The following MYO9B variants were observed in gnomAD, a reference collection of about 807,000 sequenced individuals.
MYO9B encodes myosin IXB, also known as unconventional myosin-IXb.
In MYO9B, 71 loss-of-function variants were observed where a neutral mutation model predicts 229.5. That is an observed-to-expected ratio of 0.31 (90% CI 0.26 to 0.38). The LOEUF is 0.38. MYO9B is among the 10% of genes least tolerant of loss of function. The probability of loss-of-function intolerance (pLI) is 1.00; values close to 1 mark genes in which losing one functional copy is unlikely to be tolerated. For synonymous variants in MYO9B, 1,185 were observed against 1,235.8 expected, an observed-to-expected ratio of 0.96 and a Z score of 0.86; for missense variants, 2,255 against 2,920.5, an observed-to-expected ratio of 0.77 and a Z score of 5.25.
At chr19:17,159,203 A>G (rs983511541) in intron 7 of MYO9B, among the ~76,000 whole-genome samples, 192 bp from the exon 8 acceptor site, 25 of 150,126 alleles carry the variant, frequency 1.7e-4, no homozygotes, top group South Asian at 8.6e-4. Context: ...CAAACAAACA[A>G]ACAAACAAAA....
intron 2 of MYO9B, among the ~76,000 whole-genome samples, chr19:17,139,463 G>A (rs979748036): frequency 5.3e-5 from 8 of 151,628 alleles, no homozygotes; most frequent in African/African-American, 1.7e-4. Flanking sequence ...TAGATAGATA[G>A]GCTGGTTACT....
chr19:17,151,853 G>A (rs950625592), intron 3 of MYO9B, among the ~76,000 whole-genome samples: 1 of 152,176 alleles, frequency 6.6e-6, no homozygotes, highest in Non-Finnish European at 1.5e-5. Context: ...AGCCATTATC[G>A]TGCTACTGCA....
intron 1 of MYO9B, among the ~76,000 whole-genome samples, chr19:17,088,955 G>A (rs1005579766): frequency 6.6e-6 from 1 of 152,154 alleles, no homozygotes. Flanking sequence ...TAGGATTACA[G>A]GAATAAGCCA....
Position 17,209,889 on chromosome 19 carries a change from G to A in MYO9B, c.5748+180G>A, listed in dbSNP as rs144921462. ...GGGACCGGGTAGTGGGTGTGGTCTC[G>A]GGTAGCAGGGCGGGGCCTCCCTTCC... is the stretch of plus-strand genomic sequence containing the variant. On this transcript the variant is annotated intron_variant, in intron 36 of 39. Coordinates refer to ENST00000682292, the MANE Select transcript of MYO9B (RefSeq NM_004145.4). 6.7e-3 allele frequency among the ~76,000 whole-genome samples: 1,017 copies of A among 152,106 alleles called. 7 individuals are homozygous for A. The highest frequency in any genetic ancestry group is 0.023 in the African/African-American group (971 of 41,486).
chr19:17,156,288 CCTG>C (rs1262747051), intron 6 of MYO9B, among the ~76,000 whole-genome samples: 7 of 152,064 alleles, frequency 4.6e-5, no homozygotes, highest in Admixed American at 6.6e-5. Flanking sequence ...GTGGTACAAA[CCTG>C]TAGTCCCAGC....
At chr19:17,188,166 C>A in intron 19 of MYO9B, 121 bp downstream of exon 19, 1 of 784,470 alleles carries the variant, frequency 1.3e-6, no homozygotes, top group South Asian at 1.6e-5. Context: ...CAGTGGCTCA[C>A]GCCTGTAATC....
intron 2 of MYO9B, among the ~76,000 whole-genome samples, chr19:17,133,917 C>T (rs750108381): frequency 1.1e-4 from 17 of 152,134 alleles, no homozygotes; most frequent in Non-Finnish European, 2.4e-4. Context: ...CCCGCCACCA[C>T]GCCCGGCTAA....
At chr19:17,168,735 T>A (rs565381632) in intron 11 of MYO9B, among the ~76,000 whole-genome samples, 2 of 152,268 alleles carry the variant, frequency 1.3e-5, no homozygotes, top group East Asian at 3.9e-4. Flanking sequence ...AGGTTGAGGC[T>A]GCAGGGAGCT....
rs2072731590 is a variant in MYO9B at position 17,172,133 on chromosome 19, AT to A, written c.1794-202del. Among the ~76,000 whole-genome samples the A allele has an allele frequency of 2.0e-5, 3 of 152,072 alleles. No homozygotes were observed. Among genetic ancestry groups the A allele is most frequent in the African/African-American group, 7.2e-5 (3 of 41,404 alleles). Reference sequence around the variant, plus strand: ...CCAGCCCTCTGCCAGCATGTTCGGCATGAGGCAGGCAGGCGCACTGTCATTC... The same window carrying A: ...CCAGCCCTCTGCCAGCATGTTCGGCAGAGGCAGGCAGGCGCACTGTCATTC... On this transcript the variant is annotated intron_variant, in intron 11 of 39. Coordinates refer to ENST00000682292, the MANE Select transcript of MYO9B (RefSeq NM_004145.4). This position sits in a 1 kb window ranked among gnomAD's most constrained non-coding sequence, Gnocchi z 8.2.
chr19:17,175,463 T>C (rs1290854368), intron 13 of MYO9B, among the ~76,000 whole-genome samples, 200 bp from the exon 14 acceptor site: 1 of 151,614 alleles, frequency 6.6e-6, no homozygotes, highest in Non-Finnish European at 1.5e-5. Flanking sequence ...CCTGTAGTCC[T>C]AGCTACTCAG....
chr19:17,198,415 C>G (rs2073070814), intron 24 of MYO9B, 107 bp downstream of exon 24: 1 of 1,468,128 alleles, frequency 6.8e-7, no homozygotes, highest in Non-Finnish European at 9.2e-7. Flanking sequence ...TTACAAAGCA[C>G]GTTCGCAAAG....
chr19:17,179,931 T>G (rs2072837967), intron 14 of MYO9B, among the ~76,000 whole-genome samples: 1 of 149,648 alleles, frequency 6.7e-6, no homozygotes, highest in Admixed American at 6.7e-5. Flanking sequence ...AAAAATAAAT[T>G]TAAAACTAAA....
At chr19:17,159,542 T>C (rs1423190214) in intron 8 of MYO9B, 58 bp downstream of exon 8, 2 of 1,467,530 alleles carry the variant, frequency 1.4e-6, no homozygotes, top group Non-Finnish European at 1.9e-6. Context: ...GTGGGAATGG[T>C]CTTTGGAAAG....
intron 1 of MYO9B, among the ~76,000 whole-genome samples, chr19:17,076,123 T>C (rs1197429839): frequency 6.6e-6 from 1 of 151,076 alleles, no homozygotes; most frequent in African/African-American, 2.4e-5. Flanking sequence ...TCTTGTGGCT[T>C]TGAGCAGCTT....
At chr19:17,139,458 A>G (rs2072310806) in intron 2 of MYO9B, among the ~76,000 whole-genome samples, 1 of 151,692 alleles carries the variant, frequency 6.6e-6, no homozygotes, top group South Asian at 2.1e-4. Flanking sequence ...CTAAATAGAT[A>G]GATAGGCTGG....
chr19:17,189,893 C>T (rs2145437356), intron 19 of MYO9B, among the ~76,000 whole-genome samples: 1 of 151,904 alleles, frequency 6.6e-6, no homozygotes, highest in East Asian at 2.0e-4. Context: ...GAAACCCCGT[C>T]TCTACTAAAA....
intron 33 of MYO9B, 138 bp from the exon 34 acceptor site, chr19:17,206,541 G>A (rs2073164330): frequency 1.5e-6 from 2 of 1,295,634 alleles, no homozygotes; most frequent in Admixed American, 4.3e-5. Flanking sequence ...GTGGGGCCAG[G>A]ACACCTCTGT....
At chr19:17,170,723 C>CTGAG (rs143623261) in intron 11 of MYO9B, among the ~76,000 whole-genome samples, 5,702 of 147,040 alleles carry the variant, frequency 0.039, 252 homozygotes, top group African/African-American at 0.1. Flanking sequence ...ACTCAGGAGG[C>CTGAG]TGAGGCAGGA....
At chr19:17,184,237 A>G (rs918204873) in intron 16 of MYO9B, among the ~76,000 whole-genome samples, 31 of 152,192 alleles carry the variant, frequency 2.0e-4, no homozygotes, top group Non-Finnish European at 4.4e-4. Context: ...TCCTGCCCCA[A>G]CGTAATGGGA....
Sources: allele counts gnomAD v4.1 joint callset (sites outside exome capture counted in the v4.1 genomes callset), GRCh38; gene constraint gnomAD v4.1.1; non-coding constraint Gnocchi (gnomAD v3.1); transcripts MANE v1.5; gene names NCBI Gene and HGNC (gene_info 2026-07-23, HGNC 2026-07-21).